Variants in CPA6 observed in about 807,000 individuals in gnomAD.
CPA6 encodes carboxypeptidase A6.
A neutral mutation model predicts 63.3 loss-of-function variants in CPA6; 58 were observed. The ratio of observed to expected loss-of-function variants is 0.92; its 90% CI spans 0.74 to 1.14. The LOEUF (loss-of-function observed/expected upper bound fraction) is 1.14, where lower values mean the gene tolerates loss of function less well. CPA6 is among the 50% of genes most tolerant of loss of function. CPA6 has a pLI of 0.00. For synonymous variants in CPA6, 185 were observed against 179.0 expected, an observed-to-expected ratio of 1.03 and a Z score of -0.27; for missense variants, 565 against 526.6, an observed-to-expected ratio of 1.07 and a Z score of -0.71.
intron 1 of CPA6, among the ~76,000 whole-genome samples, chr8:67,694,589 T>C (rs550362975): frequency 1.3e-5 from 2 of 152,300 alleles, no homozygotes; most frequent in East Asian, 3.9e-4. Flanking sequence ...AGAAGTGGCT[T>C]AAATGCCCAT....
chr8:67,712,474 G>T (rs1178529931), intron 1 of CPA6, among the ~76,000 whole-genome samples: 1 of 152,088 alleles, frequency 6.6e-6, no homozygotes, highest in South Asian at 2.1e-4. Context: ...CACAGGGTAG[G>T]ACAGTATTTG....
intron 1 of CPA6, among the ~76,000 whole-genome samples, chr8:67,737,404 A>G (rs1817833780): frequency 6.6e-6 from 1 of 152,242 alleles, no homozygotes; most frequent in Non-Finnish European, 1.5e-5. Context: ...TAAAAGAAAA[A>G]GTCAAAATAT....
intron 3 of CPA6, 100 bp from the exon 4 acceptor site, chr8:67,511,755 T>G (rs1339264448): frequency 2.8e-6 from 2 of 702,162 alleles, no homozygotes; most frequent in Non-Finnish European, 5.1e-6. Context: ...AAAGAAAGAC[T>G]GTGGTGATCA....
At chr8:67,665,693 G>A in intron 1 of CPA6, among the ~76,000 whole-genome samples, 1 of 152,098 alleles carries the variant, frequency 6.6e-6, no homozygotes, top group East Asian at 1.9e-4. Context: ...CTTCCCATGG[G>A]ACAGCAATGA....
intron 8 of CPA6, among the ~76,000 whole-genome samples, chr8:67,449,636 T>C (rs1489104875): frequency 6.6e-6 from 1 of 152,132 alleles, no homozygotes; most frequent in African/African-American, 2.4e-5. Flanking sequence ...TCTTGATTGC[T>C]GTTGCTGTTG....
chr8:67,740,018 C>T (rs1368234919), intron 1 of CPA6, among the ~76,000 whole-genome samples: 1 of 152,108 alleles, frequency 6.6e-6, no homozygotes, highest in Non-Finnish European at 1.5e-5. Context: ...TGCATTTCTT[C>T]CTTAAGAGTG....
At chr8:67,666,530 G>T (rs1447847868) in intron 1 of CPA6, among the ~76,000 whole-genome samples, 2 of 152,120 alleles carry the variant, frequency 1.3e-5, no homozygotes, top group African/African-American at 2.4e-5. Context: ...CAAACAGAAA[G>T]TTCCCCTTGG....
intron 2 of CPA6, among the ~76,000 whole-genome samples, chr8:67,555,657 G>A (rs1275562049): frequency 5.3e-5 from 8 of 152,142 alleles, no homozygotes; most frequent in African/African-American, 1.9e-4. Flanking sequence ...GCAGAAGTAT[G>A]GGCAGCCTGG....
intron 2 of CPA6, among the ~76,000 whole-genome samples, chr8:67,601,045 T>C (rs998437070): frequency 6.6e-6 from 1 of 152,096 alleles, no homozygotes; most frequent in Non-Finnish European, 1.5e-5. Context: ...TTGCTGAAAA[T>C]GGAAAGAACT....
intron 8 of CPA6, among the ~76,000 whole-genome samples, chr8:67,480,450 T>C (rs1811333701): frequency 6.6e-6 from 1 of 152,216 alleles, no homozygotes; most frequent in Non-Finnish European, 1.5e-5. Flanking sequence ...ACTGACTTTT[T>C]TCACTTAGCA....
At chr8:67,691,131 A>G (rs1201310634) in intron 1 of CPA6, among the ~76,000 whole-genome samples, 6 of 152,262 alleles carry the variant, frequency 3.9e-5, no homozygotes, top group Admixed American at 3.9e-4. Context: ...AAAAACAAAG[A>G]AAACGAGGAA....
intron 8 of CPA6, among the ~76,000 whole-genome samples, chr8:67,472,441 T>TTTA (rs1491409676): frequency 6.6e-6 from 1 of 151,386 alleles, no homozygotes; most frequent in African/African-American, 2.4e-5. Context: ...TTTTATTTTA[T>TTTA]TGAGACAGGG....
At chr8:67,560,695 T>G (rs2128974423) in intron 2 of CPA6, among the ~76,000 whole-genome samples, 1 of 152,218 alleles carries the variant, frequency 6.6e-6, no homozygotes, top group Non-Finnish European at 1.5e-5. Context: ...CCTTTTAAAC[T>G]TGGGTATTTG....
intron 1 of CPA6, among the ~76,000 whole-genome samples, chr8:67,625,823 G>C (rs759227428): frequency 1.3e-4 from 20 of 152,168 alleles, no homozygotes; most frequent in Non-Finnish European, 1.6e-4. Context: ...CCAGGAATAA[G>C]AATGGAATTT....
intron 2 of CPA6, among the ~76,000 whole-genome samples, chr8:67,587,303 A>C (rs1334738740): frequency 6.6e-6 from 1 of 152,156 alleles, no homozygotes; most frequent in Non-Finnish European, 1.5e-5. Context: ...GATGTGAGTA[A>C]TACAGATATA....
chr8:67,484,554 T>A, intron 7 of CPA6, 125 bp downstream of exon 7: 1 of 554,314 alleles, frequency 1.8e-6, no homozygotes, highest in Admixed American at 3.4e-5. Context: ...TGAAGGCCTC[T>A]TTTGCATCTC....
intron 2 of CPA6, among the ~76,000 whole-genome samples, chr8:67,580,252 C>T (rs1813734685): frequency 6.6e-6 from 1 of 152,200 alleles, no homozygotes; most frequent in African/African-American, 2.4e-5. Context: ...AGCTGTTAAG[C>T]TGTGGGGGTG....
At chr8:67,720,889 C>T (rs747186612) in intron 1 of CPA6, among the ~76,000 whole-genome samples, 2 of 152,144 alleles carry the variant, frequency 1.3e-5, no homozygotes, top group African/African-American at 2.4e-5. Context: ...GTTTATTCAG[C>T]CTAAGAAAGA....
chr8:67,524,285 G>C (rs1323512397), intron 2 of CPA6, among the ~76,000 whole-genome samples: 1 of 152,106 alleles, frequency 6.6e-6, no homozygotes, highest in Non-Finnish European at 1.5e-5. Flanking sequence ...ATTTGCATCA[G>C]TAATTGTTAT....
Sources: gnomAD v4.1 joint callset for allele counts (sites outside exome capture counted in the v4.1 genomes callset) on GRCh38, gnomAD v4.1.1 for gene constraint, MANE v1.5 for transcripts, NCBI Gene and HGNC (gene_info 2026-07-23, HGNC 2026-07-21) for gene names.